The following GALNT18 variants were observed in gnomAD, a reference collection of about 807,000 sequenced individuals.
GALNT18 encodes the protein GalNAc-transferase 18.
In GALNT18, 44 loss-of-function variants were observed where a neutral mutation model predicts 69.5. That is an observed-to-expected ratio of 0.63 (90% CI 0.50 to 0.81). The LOEUF (loss-of-function observed/expected upper bound fraction) is 0.81, where lower values mean the gene tolerates loss of function less well. Ranked by LOEUF, GALNT18 falls within the 40% of genes least tolerant of loss-of-function variation. The pLI is 0.00. For synonymous variants in GALNT18, 364 were observed against 318.2 expected (o/e 1.14, Z -1.53); for missense variants, 715 against 810.0 (o/e 0.88, Z 1.42).
At chr11:11,355,059 C>T (rs150266144) in intron 6 of GALNT18, among the ~76,000 whole-genome samples, 98 of 152,324 alleles carry the variant, frequency 6.4e-4, no homozygotes, top group African/African-American at 2.3e-3. Context: ...GTGGGCATCT[C>T]CATCCAGAGC....
At chr11:11,610,598 C>G (rs1590138405) in intron 1 of GALNT18, among the ~76,000 whole-genome samples, 1 of 152,238 alleles carries the variant, frequency 6.6e-6, no homozygotes, top group East Asian at 1.9e-4. Flanking sequence ...CCATTGGATT[C>G]TTCTTCTAAT....
At position 11,421,987 on chromosome 11, in the gene GALNT18, A is replaced by G. The variant is rs947603945; in HGVS notation, c.595+10634T>C. 2.0e-5 allele frequency among the ~76,000 whole-genome samples: 3 copies of G among 152,210 alleles called. No homozygotes were observed. The highest frequency in any genetic ancestry group is 2.9e-5 in the Non-Finnish European group (2 of 68,016). On this transcript the variant is annotated intron_variant, in intron 3 of 10. Transcript: ENST00000227756. The surrounding 1 kb of genome is among the most constrained non-coding windows in gnomAD (Gnocchi z 5.6). ...TGGCAGCTGAGAGGTAGGTTCAGAAATGGACACAGTTGAATCAGTTGAATC... is the reference window on the plus strand; with the variant it reads ...TGGCAGCTGAGAGGTAGGTTCAGAAGTGGACACAGTTGAATCAGTTGAATC...
At chr11:11,395,845 G>GT (rs201316481) in intron 3 of GALNT18, among the ~76,000 whole-genome samples, 2,916 of 152,282 alleles carry the variant, frequency 0.019, 48 homozygotes, top group African/African-American at 0.04. Context: ...GGGGAAACAG[G>GT]AGGGGAAAGC....
At chr11:11,412,293 C>T (rs899593521) in intron 3 of GALNT18, among the ~76,000 whole-genome samples, 1 of 152,154 alleles carries the variant, frequency 6.6e-6, no homozygotes, top group Admixed American at 6.5e-5. Flanking sequence ...CCCTACTAGA[C>T]CCCTACTAGA....
intron 1 of GALNT18, among the ~76,000 whole-genome samples, chr11:11,576,954 C>T (rs1490413219): frequency 6.6e-6 from 1 of 152,128 alleles, no homozygotes; most frequent in African/African-American, 2.4e-5. Flanking sequence ...CACGACTGTT[C>T]AGGACAAGAT....
rs537890861 is a variant in GALNT18, at chr11:11,484,788, G to A, written c.236-35852C>T. 1.3e-5 allele frequency among the ~76,000 whole-genome samples: 2 copies of A among 152,112 alleles called. 1 individual carries two copies. Among genetic ancestry groups the A allele is most frequent in the South Asian group, 4.1e-4 (2 of 4,824 alleles). On this transcript the variant is annotated intron_variant, in intron 1 of 10. Transcript: ENST00000227756. Reference sequence around the variant, plus strand: ...GGGGGACCTTAGCAGCCCTGCCAAAGGTCCAAAGCAGGTGAGGAGAAACTG... The same window carrying A: ...GGGGGACCTTAGCAGCCCTGCCAAAAGTCCAAAGCAGGTGAGGAGAAACTG...
At chr11:11,379,298 G>A (rs1371950643) in intron 3 of GALNT18, 34 bp from the exon 4 acceptor site, 2 of 1,591,434 alleles carry the variant, frequency 1.3e-6, no homozygotes, top group East Asian at 2.2e-5. Context: ...TAGCATGGGA[G>A]GGAGGTCAGG....
At chr11:11,282,564 C>T (rs565419953) in intron 10 of GALNT18, among the ~76,000 whole-genome samples, 10 of 152,282 alleles carry the variant, frequency 6.6e-5, no homozygotes, top group African/African-American at 2.4e-4. Context: ...GGTCTGCCCC[C>T]TTTATGTTCC....
intron 10 of GALNT18, among the ~76,000 whole-genome samples, chr11:11,274,128 A>G (rs1459924891): frequency 6.6e-6 from 1 of 152,110 alleles, no homozygotes; most frequent in African/African-American, 2.4e-5. Context: ...GAGAGAGTGT[A>G]CCGGGAGGAA....
chr11:11,302,176 C>T (rs946720707), intron 9 of GALNT18, among the ~76,000 whole-genome samples: 3 of 152,172 alleles, frequency 2.0e-5, no homozygotes, highest in Middle Eastern at 3.2e-3. Context: ...TGATTCAGAT[C>T]AGTAAGTGCC....
chr11:11,527,757 G>T (rs951549177), intron 1 of GALNT18, among the ~76,000 whole-genome samples: 3 of 152,174 alleles, frequency 2.0e-5, no homozygotes, highest in African/African-American at 4.8e-5. Context: ...TCAAAGCCAG[G>T]CATCTGCAAT....
intron 1 of GALNT18, among the ~76,000 whole-genome samples, chr11:11,477,831 A>G (rs1387708533): frequency 6.6e-6 from 1 of 152,224 alleles, no homozygotes; most frequent in African/African-American, 2.4e-5. Flanking sequence ...TTCTGTAATT[A>G]CACCCCAGGA....
chr11:11,595,047 T>G lies in GALNT18; in HGVS notation c.235+26312A>C, dbSNP rs1268198880. On this transcript the variant is annotated intron_variant, in intron 1 of 10. Coordinates refer to ENST00000227756, the MANE Select transcript of GALNT18 (RefSeq NM_198516.3). This position sits in a 1 kb window ranked among gnomAD's most constrained non-coding sequence, Gnocchi z 5.2. ...CCAAGAATGAATATATACATATATA[T>G]TCATTCCTAGAATTGAAATTACCTG... 6.6e-6 allele frequency among the ~76,000 whole-genome samples: 1 copy of G among 151,482 alleles called. No homozygotes were observed. The highest frequency in any genetic ancestry group is 2.4e-5 in the African/African-American group (1 of 41,238).
intron 1 of GALNT18, among the ~76,000 whole-genome samples, chr11:11,515,978 C>T (rs7102213): frequency 0.16 from 23,643 of 152,198 alleles, 2,026 homozygotes; most frequent in South Asian, 0.22. Flanking sequence ...CAGTCACCTG[C>T]AGGATAAGTG....
rs1859564872 is a variant in GALNT18 at position 11,598,873 on chromosome 11, C to T, written c.235+22486G>A. Among the ~76,000 whole-genome samples the T allele has an allele frequency of 1.3e-5, 2 of 151,708 alleles. 1 individual carries two copies. Among genetic ancestry groups the T allele is most frequent in the Admixed American group, 1.3e-4 (2 of 15,236 alleles). On this transcript the variant is annotated intron_variant, in intron 1 of 10. Coordinates refer to ENST00000227756, the MANE Select transcript of GALNT18 (RefSeq NM_198516.3). This position sits in a 1 kb window ranked among gnomAD's most constrained non-coding sequence, Gnocchi z 4.8. ...TATTTAGGAGTATGTTATCTAATAT[C>T]CATGTATTTTTTAATTTTCTAGATT...
intron 1 of GALNT18, among the ~76,000 whole-genome samples, chr11:11,519,245 A>G (rs1348724173): frequency 6.6e-6 from 1 of 152,186 alleles, no homozygotes; most frequent in African/African-American, 2.4e-5. Flanking sequence ...TTTAAAAACT[A>G]TTTACAAAGG....
chr11:11,376,153 C>T lies in GALNT18; in HGVS notation c.977+1029G>A, dbSNP rs377172066. ...ATCCCAGCACTTTGGGAGGCCGAGG[C>T]GGGTAGATCACGAGGTCAGGAGTTC... On this transcript the variant is annotated intron_variant, in intron 5 of 10. Transcript: ENST00000227756. Among the ~76,000 whole-genome samples the T allele has an allele frequency of 2.0e-5, 3 of 152,162 alleles. No individual in the cohort carries two copies. In the East Asian group the frequency reaches 5.8e-4, roughly 30 times the overall value.
At chr11:11,451,643 C>T (rs1026646250) in intron 1 of GALNT18, among the ~76,000 whole-genome samples, 1 of 152,320 alleles carries the variant, frequency 6.6e-6, no homozygotes, top group African/African-American at 2.4e-5. Context: ...TCTTCCTCCT[C>T]ACTGGTGCAA....
intron 1 of GALNT18, among the ~76,000 whole-genome samples, chr11:11,559,055 A>C (rs1382876541): frequency 1.3e-5 from 2 of 152,224 alleles, no homozygotes; most frequent in African/African-American, 4.8e-5. Context: ...AATGGAGGTA[A>C]TAAATAACAG....
Sources: allele counts gnomAD v4.1 joint callset (sites outside exome capture counted in the v4.1 genomes callset), GRCh38; gene constraint gnomAD v4.1.1; non-coding constraint Gnocchi (gnomAD v3.1); transcripts MANE v1.5; gene names NCBI Gene and HGNC (gene_info 2026-07-23, HGNC 2026-07-21).